TNPO1: variants seen among roughly 807,000 people sequenced by gnomAD.
The protein encoded by TNPO1 is transportin 1.
Under a neutral mutation model 119.5 loss-of-function variants are expected in TNPO1, and 8 were observed. The ratio of observed to expected loss-of-function variants is 0.07; its 90% CI spans 0.04 to 0.12. TNPO1 has a LOEUF of 0.12. Ranked by LOEUF, TNPO1 falls within the 10% of genes least tolerant of loss-of-function variation. The pLI, the probability that TNPO1 is intolerant of heterozygous loss-of-function variation, is 1.00. For missense variants in TNPO1, 576 were observed against 1,089.8 expected (o/e 0.53, Z 6.64); for synonymous variants, 362 against 363.0 (o/e 1.00, Z 0.03).
At chr5:72,901,237 C>CT (rs139232049) in intron 22 of TNPO1, among the ~76,000 whole-genome samples, 164 bp downstream of exon 22, 68 of 148,124 alleles carry the variant, frequency 4.6e-4, no homozygotes, top group African/African-American at 1.5e-3. Context: ...ATTGTAATGC[C>CT]TTTTTTTTTT....
At chr5:72,874,834 G>A (rs1360107562) in intron 7 of TNPO1, among the ~76,000 whole-genome samples, 1 of 152,150 alleles carries the variant, frequency 6.6e-6, no homozygotes, top group African/African-American at 2.4e-5. Flanking sequence ...ATACATGTAT[G>A]TGTAAATAAA....
Position 72,903,777 on chromosome 5 carries a change from C to T in TNPO1, c.2583C>T (p.Phe861=). 1 of 1,600,408 alleles carries T rather than the reference C, an allele frequency of 6.2e-7. No individual in the cohort carries two copies. The change falls in exon 23 of 25, where the codon TTC becomes TTT. Residue 861 remains phenylalanine (F), a synonymous_variant. Transcript: ENST00000337273. ...INPKDDLRDM[F]CKILHGFKNQ... ...CAAAAGATGATCTCAGAGACATGTT[C>T]TGTAAGGTAACTAATAAGTCTTTAT...
intron 22 of TNPO1, among the ~76,000 whole-genome samples, chr5:72,902,465 G>C (rs930064361): frequency 1.2e-4 from 18 of 151,662 alleles, no homozygotes; most frequent in Non-Finnish European, 2.1e-4. Context: ...GTGCCATCTT[G>C]AGAGGTTTCT....
At position 72,875,693 on chromosome 5, in the gene TNPO1, G is replaced by A; in HGVS notation, c.757G>A (p.Val253Ile). The change falls in exon 8 of 25, where the codon GTT (valine) becomes ATT (isoleucine). Residue 253 changes from valine (V) to isoleucine (I), a missense_variant. Val to Ile is a conservative substitution (Grantham distance 29). This residue lies in a region of TNPO1 where 310 missense variants were observed against 583.0 expected (regional missense o/e 0.53). Transcript: ENST00000337273. ...CCGAGCACTTGTGATGTTGCTCGAA[G>A]TTCGAATGGATCGCCTGCTTCCTCA... ...VCRALVMLLEVRMDRLLPHMH... is the reference protein window; with the variant it reads ...VCRALVMLLEIRMDRLLPHMH... The A allele has an allele frequency of 6.2e-7, 1 of 1,613,550 alleles. No homozygotes were observed. Among genetic ancestry groups the A allele is most frequent in the Non-Finnish European group, 8.5e-7 (1 of 1,179,566 alleles).
At chr5:72,865,377 AGTT>A (rs1158936504) in intron 5 of TNPO1, among the ~76,000 whole-genome samples, 1 of 149,400 alleles carries the variant, frequency 6.7e-6, no homozygotes, top group East Asian at 2.0e-4. Context: ...GGGAGGCAGA[AGTT>A]GCAGTGACCC....
At chr5:72,850,286 CTTG>C (rs1217884976) in intron 2 of TNPO1, among the ~76,000 whole-genome samples, 3 of 152,158 alleles carry the variant, frequency 2.0e-5, no homozygotes, top group East Asian at 3.8e-4. Flanking sequence ...GGCATATCAG[CTTG>C]TTGTTAATCT....
intron 9 of TNPO1, among the ~76,000 whole-genome samples, chr5:72,881,363 C>T (rs1748235947): frequency 1.3e-5 from 2 of 152,144 alleles, no homozygotes; most frequent in Non-Finnish European, 2.9e-5. Flanking sequence ...CTCGCCTCGA[C>T]CTAATCTGAT....
intron 24 of TNPO1, among the ~76,000 whole-genome samples, chr5:72,906,651 A>G (rs1434612260): frequency 1.3e-5 from 2 of 152,144 alleles, no homozygotes; most frequent in African/African-American, 4.8e-5. Flanking sequence ...GATGGACTAT[A>G]TTCATTTGGA....
intron 9 of TNPO1, among the ~76,000 whole-genome samples, chr5:72,878,175 T>G (rs892566072): frequency 1.3e-4 from 20 of 152,166 alleles, no homozygotes; most frequent in African/African-American, 4.6e-4. Context: ...GACTGTTCTC[T>G]GCCATTGAAT....
intron 11 of TNPO1, among the ~76,000 whole-genome samples, chr5:72,884,084 G>T (rs1170253231): frequency 6.6e-6 from 1 of 152,142 alleles, no homozygotes; most frequent in African/African-American, 2.4e-5. Flanking sequence ...TAAACACTCA[G>T]GAGAAGGATT....
intron 21 of TNPO1, 126 bp from the exon 22 acceptor site, chr5:72,900,848 C>G (rs755449031): frequency 5.9e-4 from 312 of 528,380 alleles, no homozygotes; most frequent in Non-Finnish European, 8.9e-4. Flanking sequence ...TAAAGCTTTC[C>G]GAAAAACTCT....
intron 1 of TNPO1, among the ~76,000 whole-genome samples, chr5:72,839,540 T>G (rs753166248): frequency 3.3e-5 from 5 of 152,214 alleles, no homozygotes; most frequent in Admixed American, 6.5e-5. Flanking sequence ...TTACTAGTCC[T>G]TACTAAGAAG....
At chr5:72,820,565 T>A (rs1034987019) in intron 1 of TNPO1, among the ~76,000 whole-genome samples, 1 of 152,198 alleles carries the variant, frequency 6.6e-6, no homozygotes, top group Admixed American at 6.5e-5. Flanking sequence ...GTGTTATACA[T>A]GGAAGTTACT....
At chr5:72,904,470 G>T (rs907615452) in intron 23 of TNPO1, among the ~76,000 whole-genome samples, 3 of 152,116 alleles carry the variant, frequency 2.0e-5, no homozygotes, top group African/African-American at 7.2e-5. Context: ...GGCAAGGCAC[G>T]TGTATTAGTC....
Position 72,816,751 on chromosome 5 carries a change from G to T in TNPO1, c.14G>T (p.Arg5Leu), listed in dbSNP as rs770439001. 1 of 1,585,530 alleles carries T rather than the reference G, an allele frequency of 6.3e-7. No homozygotes were observed. Residue 5 changes from arginine (R) to leucine (L), a missense_variant and splice_region_variant, in exon 1 of 25, where the codon CGG becomes CTG. By Grantham distance (102) the Arg-to-Leu change is moderately radical. This residue lies in a region of TNPO1 where 57 missense variants were observed against 59.5 expected (regional missense o/e 0.96). Coordinates refer to ENST00000337273, the MANE Select transcript of TNPO1 (RefSeq NM_002270.4). ...GAGGCGTCTGGGATGGTGTGGGACC[G>T]GGTAGGTGGCGTGAGGGTGCGCGGC... MVWD[R>L]QTKMEYEWKP...
intron 4 of TNPO1, among the ~76,000 whole-genome samples, chr5:72,860,905 T>A (rs916861213): frequency 2.6e-5 from 4 of 152,086 alleles, no homozygotes; most frequent in Non-Finnish European, 4.4e-5. Context: ...TTTGTATGGA[T>A]AAATTAGAAT....
Position 72,884,824 on chromosome 5 carries a change from G to T in TNPO1, c.1150+1592G>T, listed in dbSNP as rs959655197. ...TGTTGCGGAGGCTGTCCTGCACGTT[G>T]TGGGATGTTAAGCAGCATCCCTGGC... On this transcript the variant is annotated intron_variant, in intron 11 of 24. Coordinates refer to ENST00000337273, the MANE Select transcript of TNPO1 (RefSeq NM_002270.4). 2.0e-5 allele frequency among the ~76,000 whole-genome samples: 3 copies of T among 151,970 alleles called. No homozygotes were observed. The South Asian group carries it at 6.2e-4, about 32-fold the overall frequency.
At chr5:72,891,330 T>TG (rs992792586) in intron 14 of TNPO1, among the ~76,000 whole-genome samples, 8 of 151,756 alleles carry the variant, frequency 5.3e-5, no homozygotes, top group Non-Finnish European at 8.8e-5. Context: ...CCGGGTGTGG[T>TG]GGGGGGTGCC....
In TNPO1 at chr5:72,882,454, T is replaced by G. The variant is rs776184319; in HGVS notation, c.921-13T>G. ...TCTTAAGGTCTTTGTTTCATGAATTTCTTTCTTTATAGGTTGATTCCTGTG... is the reference window on the plus strand; with the variant it reads ...TCTTAAGGTCTTTGTTTCATGAATTGCTTTCTTTATAGGTTGATTCCTGTG... On this transcript the variant is annotated splice_polypyrimidine_tract_variant and intron_variant, in intron 9 of 24. Coordinates refer to ENST00000337273, the MANE Select transcript of TNPO1 (RefSeq NM_002270.4). 3.7e-6 allele frequency: 6 copies of G among 1,600,258 alleles called. No individual in the cohort carries two copies. In the East Asian group the frequency reaches 1.3e-4, roughly 36 times the overall value.
Sources: gnomAD v4.1 joint callset for allele counts (sites outside exome capture counted in the v4.1 genomes callset) on GRCh38, gnomAD v4.1.1 for gene constraint, gnomAD v4.1.1 regional missense constraint, MANE v1.5 for transcripts, NCBI Gene and HGNC (gene_info 2026-07-23, HGNC 2026-07-21) for gene names.